DISC1: variants seen among roughly 807,000 people sequenced by gnomAD.
The protein encoded by DISC1 is disrupted in schizophrenia 1 protein.
A neutral mutation model predicts 84.5 loss-of-function variants in DISC1; 57 were observed. That is an observed-to-expected ratio of 0.67 (90% confidence interval 0.55 to 0.84). The LOEUF is 0.84. Ranked by LOEUF, DISC1 falls within the 40% of genes least tolerant of loss-of-function variation. The probability of loss-of-function intolerance (pLI) is 0.00; values close to 1 mark genes in which losing one functional copy is unlikely to be tolerated. For missense variants in DISC1, 1,000 were observed against 1,057.8 expected (o/e 0.95, Z 0.76); for synonymous variants, 411 against 415.2 (o/e 0.99, Z 0.12).
chr1:231,890,962 G>A (rs748638438), intron 9 of DISC1, among the ~76,000 whole-genome samples: 10 of 152,062 alleles, frequency 6.6e-5, no homozygotes, highest in Admixed American at 2.6e-4. Flanking sequence ...GGGAATAAGC[G>A]TGGCACATGT....
intron 3 of DISC1, 39 bp from the exon 4 acceptor site, chr1:231,749,887 G>T: frequency 6.2e-7 from 1 of 1,613,890 alleles, no homozygotes; most frequent in Non-Finnish European, 8.5e-7. Flanking sequence ...TGCATTTCAT[G>T]GTTCTTTTTT....
At chr1:231,797,470 A>C (rs2078847980) in intron 7 of DISC1, among the ~76,000 whole-genome samples, 1 of 152,166 alleles carries the variant, frequency 6.6e-6, no homozygotes, top group Non-Finnish European at 1.5e-5. Flanking sequence ...CAGCATGGCT[A>C]AGTTCTGGTG....
At chr1:231,899,619 C>A (rs1476139595) in intron 9 of DISC1, among the ~76,000 whole-genome samples, 1 of 152,076 alleles carries the variant, frequency 6.6e-6, no homozygotes, top group Non-Finnish European at 1.5e-5. Flanking sequence ...CGATCAAAGC[C>A]TGAAGTTTGA....
At chr1:231,720,883 T>A (rs1463138229) in intron 3 of DISC1, 1 of 1,290,980 alleles carries the variant, frequency 7.7e-7, no homozygotes, top group South Asian at 1.2e-5. Context: ...TCATCTCACT[T>A]TGCATACCTA....
chr1:231,977,896 G>T (rs1459305649), intron 10 of DISC1, among the ~76,000 whole-genome samples: 1 of 152,064 alleles, frequency 6.6e-6, no homozygotes, highest in African/African-American at 2.4e-5. Flanking sequence ...TTACCTAATT[G>T]TCTCATAATT....
chr1:231,701,847 TGAA>T lies in DISC1; in HGVS notation c.1048-103_1048-101del, dbSNP rs367869882. ...TTTTGTTTTTTTTTTAAAAAGAGAA[TGAA>T]GAAGTTCAGTTTTGAAACAGTTTCT... On this transcript the variant is annotated intron_variant, in intron 2 of 12. Coordinates refer to ENST00000439617, the MANE Select transcript of DISC1 (RefSeq NM_018662.3). The T allele has an allele frequency of 1.1e-4, 101 of 919,362 alleles. No homozygotes were observed. In the East Asian group the frequency reaches 2.6e-3, roughly 23 times the overall value. The allele number at this position is 919,362 out of a possible 1,614,324, so 57.0% of individuals were successfully genotyped here.
chr1:231,973,328 G>A (rs1229323527), intron 10 of DISC1, among the ~76,000 whole-genome samples: 1 of 152,192 alleles, frequency 6.6e-6, no homozygotes, highest in East Asian at 1.9e-4. Context: ...TTATAGGCGT[G>A]AGCCACCGCA....
At chr1:231,909,682 C>T (rs1282438831) in intron 9 of DISC1, among the ~76,000 whole-genome samples, 8 of 152,148 alleles carry the variant, frequency 5.3e-5, no homozygotes. Flanking sequence ...TGATGCTGGC[C>T]TCATAAAATG....
At chr1:232,014,558 G>T (rs1668310035) in intron 11 of DISC1, among the ~76,000 whole-genome samples, 1 of 152,212 alleles carries the variant, frequency 6.6e-6, no homozygotes, top group African/African-American at 2.4e-5. Flanking sequence ...TAAAAAGTCA[G>T]AAAAGACAGA....
chr1:231,979,069 T>C (rs1485059342), intron 10 of DISC1, among the ~76,000 whole-genome samples: 1 of 152,138 alleles, frequency 6.6e-6, no homozygotes, highest in Admixed American at 6.5e-5. Context: ...CCTAGGAGCC[T>C]GAACCCTATT....
rs1670633313 is a variant in DISC1 at position 232,038,049 on chromosome 1, C to G, written c.*1218C>G. 6.6e-6 allele frequency: 1 copy of G among 151,710 alleles called. No individual in the cohort carries two copies. The highest frequency in any genetic ancestry group is 2.4e-5 in the African/African-American group (1 of 41,198). 9.4% of individuals were successfully genotyped at this position (151,710 alleles called of 1,614,324 possible). ...CAGTACTCAGTAAGGCAGTATGGTA[C>G]TCAGTAAAGCAATGCAATGCTCAGT... On this transcript the variant is annotated 3_prime_UTR_variant, in exon 13 of 13. Coordinates refer to ENST00000439617, the MANE Select transcript of DISC1 (RefSeq NM_018662.3).
intron 1 of DISC1, among the ~76,000 whole-genome samples, chr1:231,666,309 G>GAAAAAA (rs751745733): frequency 1.1e-5 from 1 of 87,262 alleles, no homozygotes; most frequent in Non-Finnish European, 2.4e-5. Context: ...TTTGTCTCAG[G>GAAAAAA]AAAAAAAAAA....
Position 232,036,832 on chromosome 1 carries a change from G to T in DISC1, c.*1G>T. 6.4e-7 allele frequency: 1 copy of T among 1,557,226 alleles called. No homozygotes were observed. Among genetic ancestry groups the T allele is most frequent in the Non-Finnish European group, 8.8e-7 (1 of 1,140,966 alleles). On this transcript the variant is annotated 3_prime_UTR_variant, in exon 13 of 13. Transcript: ENST00000439617. ...TGGTGTCCACGAAGCACAAGCCTGAGGAGTGACGGGATGGGGGAGGGAGGT... is the reference window on the plus strand; with the variant it reads ...TGGTGTCCACGAAGCACAAGCCTGATGAGTGACGGGATGGGGGAGGGAGGT...
At chr1:231,976,404 T>C (rs559470262) in intron 10 of DISC1, among the ~76,000 whole-genome samples, 2 of 152,308 alleles carry the variant, frequency 1.3e-5, no homozygotes, top group South Asian at 4.1e-4. Flanking sequence ...TCACCGCTAA[T>C]GTGTTCCTGA....
intron 6 of DISC1, chr1:231,771,798 C>T (rs1274817215): frequency 1.2e-5 from 2 of 168,508 alleles, no homozygotes; most frequent in East Asian, 1.9e-4. Context: ...ACTTTTTGCC[C>T]TTTATTTATT....
intron 9 of DISC1, among the ~76,000 whole-genome samples, chr1:231,886,271 C>T (rs200021632): frequency 2.7e-4 from 41 of 152,140 alleles, no homozygotes; most frequent in Non-Finnish European, 5.6e-4. Flanking sequence ...GAGTAATATC[C>T]GCATAGTGAT....
intron 9 of DISC1, among the ~76,000 whole-genome samples, chr1:231,932,523 C>T (rs1333063291): frequency 1.3e-5 from 2 of 152,140 alleles, no homozygotes; most frequent in Non-Finnish European, 2.9e-5. Flanking sequence ...GGTTTAGTAA[C>T]ATGCCTGAGT....
intron 1 of DISC1, chr1:231,685,120 G>A (rs1168764603): frequency 6.6e-6 from 1 of 152,256 alleles, no homozygotes; most frequent in African/African-American, 2.4e-5. Context: ...TTCCTTGATT[G>A]ACCTGCTCGG....
At chr1:231,952,848 C>T (rs950597575) in intron 9 of DISC1, among the ~76,000 whole-genome samples, 3 of 151,916 alleles carry the variant, frequency 2.0e-5, no homozygotes, top group Non-Finnish European at 4.4e-5. Context: ...ATGGTCAGTA[C>T]TCTTTGTAAC....
Sources: gnomAD v4.1 joint callset for allele counts (sites outside exome capture counted in the v4.1 genomes callset) on GRCh38, gnomAD v4.1.1 for gene constraint, MANE v1.5 for transcripts, NCBI Gene and HGNC (gene_info 2026-07-23, HGNC 2026-07-21) for gene names.